Variants in ANO3 observed in about 807,000 individuals in gnomAD.
ANO3 encodes the protein anoctamin 3, also known as anoctamin-3.
ANO3 carries 99 observed loss-of-function variants against 144.8 expected under a neutral mutation model. The ratio of observed to expected loss-of-function variants is 0.68; its 90% CI spans 0.58 to 0.81. ANO3 has a LOEUF of 0.81. Ranked by LOEUF, ANO3 falls within the 30% of genes least tolerant of loss-of-function variation. The pLI, the probability that ANO3 is intolerant of heterozygous loss-of-function variation, is 0.00. For synonymous variants in ANO3, 414 were observed against 392.6 expected, an observed-to-expected ratio of 1.05 and a Z score of -0.64; for missense variants, 905 against 1,202.2, an observed-to-expected ratio of 0.75 and a Z score of 3.66.
At chr11:26,209,071 G>A (rs1390312553) in intron 1 of ANO3, among the ~76,000 whole-genome samples, 1 of 152,106 alleles carries the variant, frequency 6.6e-6, no homozygotes, top group Non-Finnish European at 1.5e-5. Flanking sequence ...AGGTATACAC[G>A]TGCCATGGTG....
At chr11:26,529,466 T>C (rs1323175748) in intron 7 of ANO3, among the ~76,000 whole-genome samples, 3 of 111,846 alleles carry the variant, frequency 2.7e-5, no homozygotes, top group African/African-American at 1.1e-4. Flanking sequence ...TGATATTATA[T>C]AATAATCATA....
intron 14 of ANO3, among the ~76,000 whole-genome samples, chr11:26,578,724 G>T (rs1851054522): frequency 6.6e-6 from 1 of 152,152 alleles, no homozygotes; most frequent in South Asian, 2.1e-4. Context: ...GCTGTGTGTA[G>T]AATATGGGGA....
intron 1 of ANO3, among the ~76,000 whole-genome samples, chr11:26,351,958 A>G (rs1040588773): frequency 1.6e-4 from 25 of 152,352 alleles, no homozygotes; most frequent in African/African-American, 5.8e-4. Context: ...ATGTATTAAC[A>G]GCCAAGTAGC....
chr11:26,274,054 A>G (rs1302997830), intron 1 of ANO3, among the ~76,000 whole-genome samples: 1 of 152,070 alleles, frequency 6.6e-6, no homozygotes, highest in Non-Finnish European at 1.5e-5. Context: ...GAAGAAAAAA[A>G]TAGACAGTGG....
At chr11:26,339,894 C>T (rs955826897) in intron 1 of ANO3, among the ~76,000 whole-genome samples, 3 of 152,202 alleles carry the variant, frequency 2.0e-5, no homozygotes, top group East Asian at 3.9e-4. Context: ...CTTTAAATTC[C>T]GACTGGTTTC....
Position 26,525,382 on chromosome 11 carries a change from ATAAT to A in ANO3, c.693-251_693-248del, listed in dbSNP as rs147680168. Among the ~76,000 whole-genome samples, 6,454 of 152,146 alleles carry A rather than the reference ATAAT, an allele frequency of 0.042. 307 individuals carry two copies. Among genetic ancestry groups the A allele is most frequent in the African/African-American group, 0.11 (4,762 of 41,498 alleles). On this transcript the variant is annotated intron_variant, in intron 6 of 26. Transcript: ENST00000256737. The stretch of plus-strand genomic sequence containing the variant: ...AGACTTTCAATAAATAGAATTAAAA[ATAAT>A]TCTATTTTTTCAAAAGTGGTCTGTT...
chr11:26,238,113 A>C (rs974778594), intron 1 of ANO3, among the ~76,000 whole-genome samples: 2 of 152,130 alleles, frequency 1.3e-5, no homozygotes, highest in African/African-American at 4.8e-5. Context: ...GTTGTGCATA[A>C]AATTGTGTGT....
intron 4 of ANO3, among the ~76,000 whole-genome samples, chr11:26,483,646 G>C (rs1214082732): frequency 6.6e-6 from 1 of 152,052 alleles, no homozygotes; most frequent in Non-Finnish European, 1.5e-5. Context: ...TTAAACCTCT[G>C]TTCTTTATAA....
intron 4 of ANO3, among the ~76,000 whole-genome samples, chr11:26,480,166 A>G (rs1860154225): frequency 6.6e-6 from 1 of 152,196 alleles, no homozygotes; most frequent in South Asian, 2.1e-4. Context: ...CTAATGCCTC[A>G]TACCCACAAA....
chr11:26,643,265 A>G lies in ANO3; in HGVS notation c.2359A>G (p.Ile787Val), dbSNP rs139297286. ...GGCTTTGTTAAACAATATCATTGAA[A>G]TCAGGCTGGATGCATACAAATTTGT... ...LLALLNNIIE[I>V]RLDAYKFVTQ... The change falls in exon 23 of 27, where the codon ATC becomes GTC. Residue 787 changes from isoleucine (I) to valine (V), a missense_variant. This residue lies in a region of ANO3 where 597 missense variants were observed against 865.1 expected (regional missense o/e 0.69). Transcript: ENST00000256737. 5.0e-6 allele frequency: 8 copies of G among 1,614,206 alleles called. No individual in the cohort carries two copies. The Admixed American group carries it at 6.7e-5, about 13-fold the overall frequency.
intron 1 of ANO3, among the ~76,000 whole-genome samples, chr11:26,389,485 G>T (rs922278922): frequency 1.3e-5 from 2 of 151,852 alleles, no homozygotes; most frequent in Non-Finnish European, 2.9e-5. Flanking sequence ...CACATATTTA[G>T]CACAATATAA....
chr11:26,505,701 AGTGGCTCACACCT>A (rs994762251), intron 4 of ANO3, among the ~76,000 whole-genome samples: 2 of 152,026 alleles, frequency 1.3e-5, no homozygotes, highest in Non-Finnish European at 2.9e-5. Context: ...GGCCGGGCGC[AGTGGCTCACACCT>A]GTGATCCTAG....
At chr11:26,313,033 G>T (rs893549092) in intron 1 of ANO3, among the ~76,000 whole-genome samples, 1 of 152,112 alleles carries the variant, frequency 6.6e-6, no homozygotes, top group African/African-American at 2.4e-5. Flanking sequence ...CAAATCAGTT[G>T]TTCCTATTGC....
intron 4 of ANO3, among the ~76,000 whole-genome samples, chr11:26,467,764 T>C (rs1859650929): frequency 6.6e-6 from 1 of 151,890 alleles, no homozygotes; most frequent in African/African-American, 2.4e-5. Flanking sequence ...GATATTTCTT[T>C]TATAAAACTT....
intron 1 of ANO3, among the ~76,000 whole-genome samples, chr11:26,320,630 T>A (rs1265437301): frequency 6.6e-6 from 1 of 152,208 alleles, no homozygotes; most frequent in East Asian, 1.9e-4. Context: ...TTATATTAAA[T>A]GCTGTATGGT....
intron 1 of ANO3, among the ~76,000 whole-genome samples, chr11:26,213,872 A>T (rs1851984092): frequency 6.6e-6 from 1 of 152,038 alleles, no homozygotes; most frequent in South Asian, 2.1e-4. Flanking sequence ...ATATACCTGA[A>T]GTGTATTTTA....
intron 4 of ANO3, among the ~76,000 whole-genome samples, chr11:26,507,822 A>T (rs1367364817): frequency 6.6e-6 from 1 of 152,192 alleles, no homozygotes. Flanking sequence ...TATCATTTTC[A>T]TGGGTCTTAT....
chr11:26,616,633 G>A (rs766074097), intron 17 of ANO3, among the ~76,000 whole-genome samples: 21 of 152,076 alleles, frequency 1.4e-4, no homozygotes, highest in East Asian at 3.9e-4. Flanking sequence ...TCCAAGATTC[G>A]ATACTTAGTT....
At chr11:26,325,754 T>G (rs533907112) in intron 1 of ANO3, among the ~76,000 whole-genome samples, 18 of 152,174 alleles carry the variant, frequency 1.2e-4, no homozygotes, top group Non-Finnish European at 2.1e-4. Context: ...TATTTTCCTT[T>G]AGAGGGGAAA....
Sources: allele counts gnomAD v4.1 joint callset (sites outside exome capture counted in the v4.1 genomes callset), GRCh38; gene constraint gnomAD v4.1.1; regional missense constraint gnomAD v4.1.1; transcripts MANE v1.5; gene names NCBI Gene and HGNC (gene_info 2026-07-23, HGNC 2026-07-21).